The following XYLB variants were observed in gnomAD, a reference collection of about 807,000 sequenced individuals.
XYLB encodes xylulose kinase.
A neutral mutation model predicts 78.7 loss-of-function variants in XYLB; 62 were observed. The observed-to-expected ratio is 0.79, with a 90% CI of 0.64 to 0.97. XYLB has a LOEUF of 0.97. Ranked by LOEUF, XYLB falls within the 50% of genes least tolerant of loss-of-function variation. The probability of loss-of-function intolerance (pLI) is 0.00; values close to 1 mark genes in which losing one functional copy is unlikely to be tolerated. For missense variants in XYLB, 687 were observed against 676.8 expected, an observed-to-expected ratio of 1.02 and a Z score of -0.17; for synonymous variants, 245 against 247.4, an observed-to-expected ratio of 0.99 and a Z score of 0.09.
the XYLB span, among the ~76,000 whole-genome samples, chr3:38,438,028 C>G: frequency 4.6e-5 from 7 of 151,872 alleles, no homozygotes; most frequent in African/African-American, 1.7e-4. Context: ...CGAGATCCAG[C>G]CCAGTGACAG....
rs1230771432 is a variant in XYLB, at chr3:38,413,082, G to A, written c.*69G>A. 6 of 1,453,396 alleles carry A rather than the reference G, an allele frequency of 4.1e-6. No homozygotes were observed. The highest frequency in any genetic ancestry group is 5.6e-6 in the Non-Finnish European group (6 of 1,073,998). The allele number at this position is 1,453,396 out of a possible 1,614,324, so 90.0% of individuals were successfully genotyped here. ...CATTTGTCGACATGGCCCCAGACAG[G>A]AGGGATCCACTTCTCTGTTCTGAAC... On this transcript the variant is annotated 3_prime_UTR_variant, in exon 19 of 19. Transcript: ENST00000207870.
At chr3:38,396,199 T>C (rs1332087304) in intron 16 of XYLB, among the ~76,000 whole-genome samples, 3 of 152,218 alleles carry the variant, frequency 2.0e-5, no homozygotes, top group Admixed American at 6.5e-5. Flanking sequence ...GGAATTCTTC[T>C]ATAAGCAGTT....
At chr3:38,446,042 A>G in the XYLB span, among the ~76,000 whole-genome samples, 4 of 152,138 alleles carry the variant, frequency 2.6e-5, no homozygotes, top group African/African-American at 9.7e-5. Flanking sequence ...CACGGACCCA[A>G]AGATTGAGCA....
At chr3:38,395,023 A>C (rs1420474466) in intron 15 of XYLB, among the ~76,000 whole-genome samples, 1 of 152,124 alleles carries the variant, frequency 6.6e-6, no homozygotes, top group African/African-American at 2.4e-5. Flanking sequence ...TTCATACTTC[A>C]TCATTTACAC....
chr3:38,400,812 A>C (rs1708090497), intron 17 of XYLB, 79 bp from the exon 18 acceptor site: 2 of 1,200,434 alleles, frequency 1.7e-6, no homozygotes, highest in South Asian at 2.7e-5. Context: ...TTGCCACCCC[A>C]GTGAGATCCT....
At chr3:38,435,322 C>A in the XYLB span, among the ~76,000 whole-genome samples, 1 of 150,612 alleles carries the variant, frequency 6.6e-6, no homozygotes, top group South Asian at 2.1e-4. Context: ...AAGTCAAGAC[C>A]AGTAACACAC....
chr3:38,377,098 C>A, intron 14 of XYLB, 107 bp downstream of exon 14: 1 of 990,310 alleles, frequency 1.0e-6, no homozygotes, highest in Non-Finnish European at 1.6e-6. Flanking sequence ...TTCATTCACT[C>A]ATCCATTAAT....
At position 38,400,998 on chromosome 3, in the gene XYLB, C is replaced by T. The variant is rs191131784; in HGVS notation, c.1533+13C>T. 221 of 1,613,018 alleles carry T rather than the reference C, an allele frequency of 1.4e-4. No individual in the cohort carries two copies. In the East Asian group the frequency reaches 4.4e-3, roughly 32 times the overall value. ...GGGAGCTTCTCAGGTGAGAGACCAT[C>T]GGAATTTGTTTGTAGCATTTGCATT... On this transcript the variant is annotated intron_variant, in intron 18 of 18. Transcript: ENST00000207870.
Position 38,397,094 on chromosome 3 carries a change from C to A in XYLB, c.1373C>A (p.Ala458Asp), listed in dbSNP as rs768608000. The change falls in exon 17 of 19, where the codon GCC (alanine) becomes GAC (aspartate). Residue 458 changes from alanine to aspartate, a missense_variant. Coordinates refer to ENST00000207870, the MANE Select transcript of XYLB (RefSeq NM_005108.4). Reference sequence around the variant, plus strand: ...CAGGTGCTTGCAGATGTGTTTGATGCCCCGGTGTATGTTATAGACACTGCC... The same window carrying A: ...CAGGTGCTTGCAGATGTGTTTGATGACCCGGTGTATGTTATAGACACTGCC... The part of the protein sequence containing the change: ...ILQVLADVFD[A>D]PVYVIDTANS... 6.2e-7 allele frequency: 1 copy of A among 1,614,146 alleles called. No individual in the cohort carries two copies. Among genetic ancestry groups the A allele is most frequent in the South Asian group, 1.1e-5 (1 of 91,082 alleles).
chr3:38,433,288 C>G, the XYLB span, among the ~76,000 whole-genome samples: 1 of 152,222 alleles, frequency 6.6e-6, no homozygotes, highest in Non-Finnish European at 1.5e-5. Flanking sequence ...GCCCACAGAA[C>G]CATTTTTTCC....
At chr3:38,359,137 T>C (rs930315214) in intron 2 of XYLB, among the ~76,000 whole-genome samples, 2 of 152,272 alleles carry the variant, frequency 1.3e-5, no homozygotes, top group African/African-American at 4.8e-5. Context: ...AAACATTGTT[T>C]CTAAAGATTA....
intron 15 of XYLB, among the ~76,000 whole-genome samples, chr3:38,393,246 G>C (rs538120472): frequency 6.6e-6 from 1 of 152,198 alleles, no homozygotes; most frequent in East Asian, 1.9e-4. Context: ...CACCTCCTGG[G>C]TTCCTCCCAC....
In XYLB at chr3:38,368,245, G is replaced by A. The variant is rs1356078339; in HGVS notation, c.634G>A (p.Asp212Asn). ...GTTCCTTGGCTCTTACTCCCCTATTGACTACAGTGATGGTGAGCCTCGGGG... is the reference window on the plus strand; with the variant it reads ...GTTCCTTGGCTCTTACTCCCCTATTAACTACAGTGATGGTGAGCCTCGGGG... The part of the protein sequence containing the change: ...SLFLGSYSPI[D>N]YSDGSGMNLL... The change falls in exon 8 of 19, where the codon GAC becomes AAC. Residue 212 changes from aspartate to asparagine, a missense_variant. Physicochemically the swap from Asp to Asn is conservative, Grantham distance 23. Coordinates refer to ENST00000207870, the MANE Select transcript of XYLB (RefSeq NM_005108.4). 7.4e-6 allele frequency: 12 copies of A among 1,613,922 alleles called. No individual in the cohort carries two copies. Among genetic ancestry groups the A allele is most frequent in the Non-Finnish European group, 1.0e-5 (12 of 1,179,990 alleles).
At chr3:38,373,340 A>C (rs1706674544) in intron 10 of XYLB, among the ~76,000 whole-genome samples, 1 of 152,150 alleles carries the variant, frequency 6.6e-6, no homozygotes, top group African/African-American at 2.4e-5. Flanking sequence ...ACCCCAGGAA[A>C]AGTAAGTCTT....
the XYLB span, among the ~76,000 whole-genome samples, chr3:38,429,732 G>A: frequency 6.6e-6 from 1 of 152,148 alleles, no homozygotes; most frequent in South Asian, 2.1e-4. Flanking sequence ...ACAGGCCCTG[G>A]TGTGTGATGT....
the XYLB span, among the ~76,000 whole-genome samples, chr3:38,426,464 A>G: frequency 2.6e-5 from 4 of 152,374 alleles, no homozygotes; most frequent in East Asian, 3.9e-4. Context: ...AAATATTTCA[A>G]TCTTCTCTGG....
intron 8 of XYLB, among the ~76,000 whole-genome samples, 166 bp from the exon 9 acceptor site, chr3:38,369,885 TGTCTC>T (rs1410285673): frequency 6.6e-6 from 1 of 152,154 alleles, no homozygotes; most frequent in Non-Finnish European, 1.5e-5. Context: ...GGGCCCCTCT[TGTCTC>T]TGGTTCTCTG....
At chr3:38,392,028 T>C (rs1287061551) in intron 15 of XYLB, among the ~76,000 whole-genome samples, 5 of 152,176 alleles carry the variant, frequency 3.3e-5, no homozygotes, top group Non-Finnish European at 7.4e-5. Flanking sequence ...TAGCCCACTT[T>C]CACTAATGAG....
At chr3:38,375,032 C>A in intron 11 of XYLB, 112 bp from the exon 12 acceptor site, 1 of 834,166 alleles carries the variant, frequency 1.2e-6, no homozygotes, top group Non-Finnish European at 1.9e-6. Flanking sequence ...CTGAGGTCTG[C>A]AGCATGAGTG....
Sources: gnomAD v4.1 joint callset for allele counts (sites outside exome capture counted in the v4.1 genomes callset) on GRCh38, gnomAD v4.1.1 for gene constraint, MANE v1.5 for transcripts, NCBI Gene and HGNC (gene_info 2026-07-23, HGNC 2026-07-21) for gene names.